Variants in TMCC3 observed in about 807,000 individuals in gnomAD.
The protein encoded by TMCC3 is transmembrane and coiled-coil domain family 3.
In TMCC3, 28 loss-of-function variants were observed where a neutral mutation model predicts 40.2. The observed-to-expected ratio is 0.70, with a 90% CI of 0.52 to 0.95. The LOEUF is 0.95. TMCC3 is among the 40% of genes least tolerant of loss of function. TMCC3 has a pLI of 0.00. For synonymous variants in TMCC3, 255 were observed against 248.5 expected, an observed-to-expected ratio of 1.03 and a Z score of -0.25; for missense variants, 554 against 615.2, an observed-to-expected ratio of 0.90 and a Z score of 1.05.
chr12:94,594,198 A>AATATAT (rs59083165), intron 1 of TMCC3, among the ~76,000 whole-genome samples: 6 of 145,402 alleles, frequency 4.1e-5, no homozygotes, highest in African/African-American at 1.6e-4. Flanking sequence ...TTTAAATTTA[A>AATATAT]ATATATATAT....
chr12:94,590,683 G>A (rs1034310346), intron 1 of TMCC3: 5 of 278,158 alleles, frequency 1.8e-5, no homozygotes, highest in South Asian at 7.3e-5. Flanking sequence ...GCCCCACAGT[G>A]GGGTACCTTT....
chr12:94,637,440 C>G (rs1000429162), intron 1 of TMCC3, among the ~76,000 whole-genome samples: 1 of 152,198 alleles, frequency 6.6e-6, no homozygotes, highest in Non-Finnish European at 1.5e-5. Context: ...AGGATCAAAA[C>G]AGTTGAAAAC....
intron 1 of TMCC3, among the ~76,000 whole-genome samples, chr12:94,638,868 A>C (rs1309446283): frequency 6.6e-6 from 1 of 152,214 alleles, no homozygotes; most frequent in Non-Finnish European, 1.5e-5. Flanking sequence ...GCTTTCACTA[A>C]AGGCATTCTT....
chr12:94,632,324 T>C (rs7965137), intron 1 of TMCC3, among the ~76,000 whole-genome samples: 11,067 of 152,282 alleles, frequency 0.073, 559 homozygotes, highest in East Asian at 0.16. Context: ...TATTGACACA[T>C]TTGCTTTATT....
At chr12:94,649,027 G>A (rs1177714924) in intron 1 of TMCC3, among the ~76,000 whole-genome samples, 2 of 152,108 alleles carry the variant, frequency 1.3e-5, no homozygotes, top group African/African-American at 4.8e-5. Flanking sequence ...GGAGTTTCTG[G>A]TTATTTTCAC....
At chr12:94,594,111 G>A (rs753345363) in intron 1 of TMCC3, among the ~76,000 whole-genome samples, 7 of 152,040 alleles carry the variant, frequency 4.6e-5, no homozygotes, top group Admixed American at 1.3e-4. Context: ...AAACGAGCAA[G>A]TTTGGGAAAG....
At chr12:94,578,731 G>A (rs879800730) in intron 2 of TMCC3, among the ~76,000 whole-genome samples, 1 of 152,180 alleles carries the variant, frequency 6.6e-6, no homozygotes, top group African/African-American at 2.4e-5. Context: ...CAGTCTCTGG[G>A]GTCTTGACTC....
chr12:94,614,828 C>A (rs566746226), intron 1 of TMCC3, among the ~76,000 whole-genome samples: 1 of 150,116 alleles, frequency 6.7e-6, no homozygotes, highest in East Asian at 2.0e-4. Flanking sequence ...TGCAGTGGCG[C>A]GATCTCAGCT....
At chr12:94,627,491 A>C (rs1328256011) in intron 1 of TMCC3, among the ~76,000 whole-genome samples, 1 of 152,142 alleles carries the variant, frequency 6.6e-6, no homozygotes, top group African/African-American at 2.4e-5. Context: ...CAAGGCCTCT[A>C]CTGGCTCAGG....
Position 94,578,524 on chromosome 12 carries a change from T to C in TMCC3, c.1001A>G (p.Glu334Gly), listed in dbSNP as rs748829515. Residue 334 changes from glutamate (E) to glycine (G), a missense_variant, in exon 3 of 4, where the codon GAG (glutamate) becomes GGG (glycine). Glu to Gly is a moderately conservative substitution (Grantham distance 98). Coordinates refer to ENST00000261226, the MANE Select transcript of TMCC3 (RefSeq NM_020698.4). ...QTLQEERYRYERLEDQLHDLT... is the reference protein window; with the variant it reads ...QTLQEERYRYGRLEDQLHDLT... ...GTCATGCAGCTGGTCCTCCAGTCGC[T>C]CATACCTTTAAAAGAGAGGAGCCGA... The C allele has an allele frequency of 6.2e-7, 1 of 1,613,436 alleles. No individual in the cohort carries two copies. Among genetic ancestry groups the C allele is most frequent in the Non-Finnish European group, 8.5e-7 (1 of 1,179,642 alleles).
intron 1 of TMCC3, among the ~76,000 whole-genome samples, chr12:94,585,100 T>G (rs1388543367): frequency 6.6e-6 from 1 of 152,146 alleles, no homozygotes; most frequent in Non-Finnish European, 1.5e-5. Flanking sequence ...CTGGAGATAT[T>G]ATATCTGATC....
chr12:94,594,251 G>A (rs1373250204), intron 1 of TMCC3, among the ~76,000 whole-genome samples: 1 of 146,978 alleles, frequency 6.8e-6, no homozygotes, highest in Non-Finnish European at 1.5e-5. Flanking sequence ...AGAGAGAGAG[G>A]TCTCTCACTC....
In TMCC3 at chr12:94,650,420, C is replaced by T; in HGVS notation, c.11G>A (p.Ser4Asn). Residue 4 changes from serine (S) to asparagine (N), a missense_variant, in exon 1 of 4, where the codon AGC becomes AAC. Transcript: ENST00000261226. MPG[S>N]DTALTVDRTY... is the part of the protein sequence containing the mutation. ...CCGGTCCACGGTGAGCGCCGTGTCGCTGCCCGGCATCTCCGCGCTCCGGCC... is the reference window on the plus strand; with the variant it reads ...CCGGTCCACGGTGAGCGCCGTGTCGTTGCCCGGCATCTCCGCGCTCCGGCC... The T allele has an allele frequency of 7.7e-7, 1 of 1,303,424 alleles. No homozygotes were observed. Among genetic ancestry groups the T allele is most frequent in the Non-Finnish European group, 9.8e-7 (1 of 1,020,626 alleles). 80.7% of individuals were successfully genotyped at this position (1,303,424 alleles called of 1,614,324 possible). A position where few individuals can be genotyped will look rare whatever the true frequency, so the allele number is the denominator to read the frequency against.
chr12:94,571,443 G>T lies in TMCC3; in HGVS notation c.1426C>A (p.Pro476Thr), dbSNP rs1594261234. 2.5e-6 allele frequency: 4 copies of T among 1,611,196 alleles called. No individual in the cohort carries two copies. Among genetic ancestry groups the T allele is most frequent in the Non-Finnish European group, 2.5e-6 (3 of 1,177,442 alleles). ...ILCAIERMII[P>T]R ...GGCAGGAACCAGTGGCTTCATCTTG[G>T]TATTATCATCCTTTCTATGGCACAC... Residue 476 changes from proline to threonine, a missense_variant, in exon 4 of 4, where the codon CCA becomes ACA. Physicochemically the swap from Pro to Thr is conservative, Grantham distance 38. Coordinates refer to ENST00000261226, the MANE Select transcript of TMCC3 (RefSeq NM_020698.4).
At chr12:94,617,081 G>A (rs1307552983) in intron 1 of TMCC3, among the ~76,000 whole-genome samples, 1 of 152,220 alleles carries the variant, frequency 6.6e-6, no homozygotes, top group Non-Finnish European at 1.5e-5. Context: ...CCACCTGGAT[G>A]TGGGGGTGAA....
chr12:94,577,929 T>G (rs895905524), intron 3 of TMCC3, among the ~76,000 whole-genome samples: 1 of 151,816 alleles, frequency 6.6e-6, no homozygotes, highest in African/African-American at 2.4e-5. Flanking sequence ...GGCAGATCAC[T>G]TGAGGTCAGG....
intron 1 of TMCC3, among the ~76,000 whole-genome samples, chr12:94,618,603 T>C (rs1440393679): frequency 6.6e-6 from 1 of 152,198 alleles, no homozygotes. Context: ...ACATGTGACA[T>C]GCCTCAAGCA....
chr12:94,630,721 T>TTTTTG lies in TMCC3; in HGVS notation c.78+19627_78+19631dup, dbSNP rs373879541. 5.3e-3 allele frequency among the ~76,000 whole-genome samples: 802 copies of TTTTTG among 151,890 alleles called. 11 individuals carry two copies. Among genetic ancestry groups the TTTTTG allele is most frequent in the African/African-American group, 0.017 (722 of 41,346 alleles). ...GCGTATATCTTGTAAACGTTTTGTG[T>TTTTTG]TTTTGTTTTGTTTTGTTTTGTTTTT... On this transcript the variant is annotated intron_variant, in intron 1 of 3. Transcript: ENST00000261226.
intron 1 of TMCC3, among the ~76,000 whole-genome samples, chr12:94,623,512 G>A (rs917341741): frequency 6.6e-6 from 1 of 152,178 alleles, no homozygotes; most frequent in African/African-American, 2.4e-5. Flanking sequence ...GCTCTCACAG[G>A]TGTTGTACAT....
Sources: allele counts gnomAD v4.1 joint callset (sites outside exome capture counted in the v4.1 genomes callset), GRCh38; gene constraint gnomAD v4.1.1; transcripts MANE v1.5; gene names NCBI Gene and HGNC (gene_info 2026-07-23, HGNC 2026-07-21).